The following FANCD2 variants were observed in gnomAD, a reference collection of about 807,000 sequenced individuals.
The protein encoded by FANCD2 is Fanconi anemia group D2 protein.
FANCD2 carries 131 observed loss-of-function variants against 192.3 expected under a neutral mutation model. The observed-to-expected ratio is 0.68, with a 90% CI of 0.59 to 0.79. The LOEUF (loss-of-function observed/expected upper bound fraction) is 0.79. Ranked by LOEUF, FANCD2 falls within the 30% of genes least tolerant of loss-of-function variation. The pLI, the probability that FANCD2 is intolerant of heterozygous loss-of-function variation, is 0.00. For missense variants in FANCD2, 1,508 were observed against 1,701.6 expected (o/e 0.89, Z 2.00); for synonymous variants, 524 against 612.5 (o/e 0.86, Z 2.13).
intron 6 of FANCD2, among the ~76,000 whole-genome samples, chr3:10,036,086 C>CTGTTTTTTTTTTTTTTTTTTT (rs2086721690): frequency 9.7e-6 from 1 of 102,602 alleles, no homozygotes; most frequent in African/African-American, 4.2e-5. Context: ...TTATACATTT[C>CTGTTTTTTTTTTTTTTTTTTT]TTTTTTTTTT....
Position 10,041,422 on chromosome 3 carries a change from A to G in FANCD2, c.696-201A>G. On this transcript the variant is annotated intron_variant, in intron 9 of 43. Coordinates refer to ENST00000675286, the MANE Select transcript of FANCD2 (RefSeq NM_001018115.3). The stretch of plus-strand genomic sequence containing the variant: ...TGGAAGGCTTCTTGTTTCTACTTTT[A>G]TTATTTGAATTTTTATAATGAGCAT... 2.0e-5 allele frequency: 10 copies of G among 500,928 alleles called. No individual in the cohort carries two copies. In the South Asian group the frequency reaches 2.1e-4, roughly 11 times the overall value. 31.0% of individuals were successfully genotyped at this position (500,928 alleles called of 1,614,324 possible).
chr3:10,052,335 A>C, intron 17 of FANCD2, 52 bp from the exon 18 acceptor site: 9 of 1,192,766 alleles, frequency 7.5e-6, no homozygotes, highest in Non-Finnish European at 8.8e-6. Flanking sequence ...TTTGAATTTT[A>C]AGGGAAAAAT....
chr3:10,053,164 G>A (rs1478903727), intron 18 of FANCD2, among the ~76,000 whole-genome samples: 2 of 148,232 alleles, frequency 1.3e-5, no homozygotes, highest in Non-Finnish European at 3.0e-5. Context: ...TTAAGAAAAT[G>A]TGGCACATAT....
intron 32 of FANCD2, among the ~76,000 whole-genome samples, chr3:10,083,204 G>A (rs1374180680): frequency 6.6e-6 from 1 of 151,470 alleles, no homozygotes; most frequent in Admixed American, 6.6e-5. Context: ...TCCAACCTGG[G>A]CAACAGAACC....
intron 18 of FANCD2, among the ~76,000 whole-genome samples, chr3:10,053,664 G>A (rs759350940): frequency 1.9e-4 from 28 of 150,542 alleles, no homozygotes; most frequent in Non-Finnish European, 3.7e-4. Flanking sequence ...CTAGTGTGTA[G>A]TAGTGGAAAT....
chr3:10,074,732 A>G (rs764391458), intron 29 of FANCD2, 59 bp downstream of exon 29: 66 of 1,538,352 alleles, frequency 4.3e-5, no homozygotes, highest in African/African-American at 5.4e-5. Flanking sequence ...CCTCAGGTCT[A>G]TTCTTATTTC....
At chr3:10,099,250 A>T in intron 43 of FANCD2, 2 of 1,306,990 alleles carry the variant, frequency 1.5e-6, no homozygotes, top group Non-Finnish European at 2.0e-6. Flanking sequence ...CTGCCACCTT[A>T]GAGAACTGAA....
At chr3:10,100,682 A>C (rs1695249015) in intron 43 of FANCD2, among the ~76,000 whole-genome samples, 1 of 152,088 alleles carries the variant, frequency 6.6e-6, no homozygotes, top group East Asian at 1.9e-4. Context: ...CCATACCACC[A>C]CTTGTAATAA....
chr3:10,075,694 C>T (rs1249228428), intron 29 of FANCD2, among the ~76,000 whole-genome samples: 1 of 149,334 alleles, frequency 6.7e-6, no homozygotes, highest in Non-Finnish European at 1.5e-5. Flanking sequence ...GAAATTTACA[C>T]GAATGTAGGT....
At chr3:10,085,041 A>T (rs1694097542) in intron 32 of FANCD2, among the ~76,000 whole-genome samples, 1 of 152,226 alleles carries the variant, frequency 6.6e-6, no homozygotes, top group Non-Finnish European at 1.5e-5. Context: ...AAGGTAATCC[A>T]AAGATAGAAA....
chr3:10,096,656 C>T (rs149731414), intron 42 of FANCD2, among the ~76,000 whole-genome samples, 184 bp downstream of exon 42: 89 of 152,240 alleles, frequency 5.8e-4, no homozygotes, highest in African/African-American at 2.1e-3. Flanking sequence ...ACAGGCTGCA[C>T]CCCTCATCTT....
chr3:10,043,508 C>T lies in FANCD2; in HGVS notation c.1014C>T (p.Ser338=), dbSNP rs527769128. 1.2e-5 allele frequency: 20 copies of T among 1,613,620 alleles called. No individual in the cohort carries two copies. In the East Asian group the frequency reaches 1.3e-4, roughly 11 times the overall value. ...GTTCCTCAGGAAATCAAGAAAGCAG[C>T]GGTCAGAGCTGTATTATTCTCCTCT... ...RASSSGNQES[S]GQSCIILLFD... The change falls in exon 13 of 44, where the codon AGC becomes AGT. Residue 338 remains serine (S), a synonymous_variant. Coordinates refer to ENST00000675286, the MANE Select transcript of FANCD2 (RefSeq NM_001018115.3).
At chr3:10,060,539 G>T in intron 19 of FANCD2, 136 bp downstream of exon 19, 1 of 726,214 alleles carries the variant, frequency 1.4e-6, no homozygotes. Context: ...ACTTTTCCAT[G>T]TTCCCTTCTA....
chr3:10,051,395 AAAAAAAAAAAAACAAAAAG>A (rs1308173501), intron 17 of FANCD2, among the ~76,000 whole-genome samples: 15 of 10,044 alleles, frequency 1.5e-3, no homozygotes, highest in South Asian at 3.0e-3. Context: ...AAAAAAAAAA[AAAAAAAAAAAAACAAAAAG>A]GAGTGAGGGA....
Position 10,078,157 on chromosome 3 carries a change from T to C in FANCD2, c.2936T>C (p.Met979Thr), listed in dbSNP as rs1693634292. ...LEDLSQKLES[M>T]LTPPIARRVP... ...GATCTCTCCCAGAAGCTGGAGAGTA[T>C]GCTGACACCTCCTATTGCCAGGAGA... is the stretch of plus-strand genomic sequence containing the variant. Residue 979 changes from methionine to threonine, a missense_variant, in exon 30 of 44, where the codon ATG (methionine) becomes ACG (threonine). Physicochemically the swap from Met to Thr is moderately conservative, Grantham distance 81. Transcript: ENST00000675286. 1 of 1,613,580 alleles carries C rather than the reference T, an allele frequency of 6.2e-7. No individual in the cohort carries two copies. The highest frequency in any genetic ancestry group is 1.3e-5 in the African/African-American group (1 of 74,898).
chr3:10,061,219 A>T (rs2125028108), intron 19 of FANCD2, among the ~76,000 whole-genome samples: 1 of 152,370 alleles, frequency 6.6e-6, no homozygotes, highest in African/African-American at 2.4e-5. Context: ...GTTTCCTTGC[A>T]GTCAGCTCCT....
intron 17 of FANCD2, among the ~76,000 whole-genome samples, chr3:10,050,369 A>C (rs1357535798): frequency 6.6e-6 from 1 of 152,184 alleles, no homozygotes; most frequent in Non-Finnish European, 1.5e-5. Flanking sequence ...TCATGCTTGT[A>C]ATCCCAGCAC....
Position 10,101,590 on chromosome 3 carries a change from C to A in FANCD2, c.*328C>A. 1 of 371,914 alleles carries A rather than the reference C, an allele frequency of 2.7e-6. No homozygotes were observed. The highest frequency in any genetic ancestry group is 5.1e-6 in the Non-Finnish European group (1 of 197,234). 23.0% of individuals were successfully genotyped at this position (371,914 alleles called of 1,614,324 possible). On this transcript the variant is annotated 3_prime_UTR_variant, in exon 44 of 44. Transcript: ENST00000675286. ...TAGTAGATACGGGGTTTTACCATGT[C>A]GGCCAGATGGTCTCAATCTCCTGAA...
chr3:10,060,163 G>A lies in FANCD2; in HGVS notation c.1657-131G>A, dbSNP rs569041665. On this transcript the variant is annotated intron_variant, in intron 18 of 43. Transcript: ENST00000675286. ...GCCTAGGCAACAAGAACGAAAGTCCGTCTCAAAAAAAAAAAAAAACAGTTA... is the reference window on the plus strand; with the variant it reads ...GCCTAGGCAACAAGAACGAAAGTCCATCTCAAAAAAAAAAAAAAACAGTTA... 1,283 of 632,342 alleles carry A rather than the reference G, an allele frequency of 2.0e-3. 17 individuals are homozygous for A. The highest frequency in any genetic ancestry group is 0.018 in the South Asian group (1,025 of 57,346). 39.2% of individuals were successfully genotyped at this position (632,342 alleles called of 1,614,324 possible).
Sources: gnomAD v4.1 joint callset for allele counts (sites outside exome capture counted in the v4.1 genomes callset) on GRCh38, gnomAD v4.1.1 for gene constraint, MANE v1.5 for transcripts, NCBI Gene and HGNC (gene_info 2026-07-23, HGNC 2026-07-21) for gene names.